The following RIT2 variants were observed in gnomAD, a reference collection of about 807,000 sequenced individuals.
RIT2 encodes Ras like without CAAX 2.
RIT2 carries 24 observed loss-of-function variants against 23.7 expected under a neutral mutation model. The ratio of observed to expected loss-of-function variants is 1.01; its 90% CI spans 0.73 to 1.43. RIT2 has a LOEUF of 1.43. Among genes scored for constraint, RIT2 ranks in the 40% most tolerant of loss-of-function variants. The pLI, the probability that RIT2 is intolerant of heterozygous loss-of-function variation, is 0.00. For synonymous variants in RIT2, 107 were observed against 91.1 expected (o/e 1.17, Z -0.99); for missense variants, 236 against 266.9 (o/e 0.88, Z 0.81).
At chr18:43,104,963 A>G (rs1315425980) in intron 1 of RIT2, among the ~76,000 whole-genome samples, 1 of 152,162 alleles carries the variant, frequency 6.6e-6, no homozygotes, top group Non-Finnish European at 1.5e-5. Flanking sequence ...AACAATACAC[A>G]AATTGGAAAA....
At chr18:42,837,422 C>T (rs1906646246) in intron 4 of RIT2, among the ~76,000 whole-genome samples, 1 of 151,640 alleles carries the variant, frequency 6.6e-6, no homozygotes, top group Admixed American at 6.6e-5. Context: ...CCGACTTGGC[C>T]TCCCAAAGTG....
intron 2 of RIT2, among the ~76,000 whole-genome samples, chr18:43,012,869 T>A (rs182632327): frequency 6.6e-6 from 1 of 151,788 alleles, no homozygotes; most frequent in East Asian, 1.9e-4. Flanking sequence ...AACAGAAAAT[T>A]TGGGGGAAAA....
At chr18:42,916,154 T>C (rs1908904260) in intron 4 of RIT2, among the ~76,000 whole-genome samples, 1 of 152,110 alleles carries the variant, frequency 6.6e-6, no homozygotes, top group Non-Finnish European at 1.5e-5. Context: ...ACAGAGTTTC[T>C]GATTTACCAG....
chr18:42,789,241 T>C (rs1913988808), intron 4 of RIT2, among the ~76,000 whole-genome samples: 1 of 152,294 alleles, frequency 6.6e-6, no homozygotes, highest in African/African-American at 2.4e-5. Flanking sequence ...ATGCTCTTAG[T>C]TGTATTATAA....
intron 3 of RIT2, among the ~76,000 whole-genome samples, chr18:42,961,674 A>C (rs1445270372): frequency 1.3e-5 from 2 of 152,204 alleles, no homozygotes; most frequent in African/African-American, 2.4e-5. Context: ...TTGACTTCAT[A>C]GTTAAATTTT....
chr18:43,097,789 T>C (rs1010707472), intron 1 of RIT2, among the ~76,000 whole-genome samples: 1 of 151,938 alleles, frequency 6.6e-6, no homozygotes, highest in African/African-American at 2.4e-5. Context: ...TCTCCAAGGG[T>C]AGTTTTCCAG....
At chr18:42,893,237 A>T (rs902199711) in intron 4 of RIT2, among the ~76,000 whole-genome samples, 9 of 152,102 alleles carry the variant, frequency 5.9e-5, no homozygotes, top group African/African-American at 2.2e-4. Flanking sequence ...AAAAAAAAAA[A>T]AAAAAAAGCT....
chr18:42,900,622 G>A (rs1158282678), intron 4 of RIT2, among the ~76,000 whole-genome samples: 1 of 151,732 alleles, frequency 6.6e-6, no homozygotes, highest in African/African-American at 2.4e-5. Context: ...TTCTAATACA[G>A]GCTTCCTTAA....
intron 1 of RIT2, among the ~76,000 whole-genome samples, chr18:43,061,633 C>T (rs1396416437): frequency 6.6e-6 from 1 of 152,054 alleles, no homozygotes; most frequent in African/African-American, 2.4e-5. Context: ...CTGAATGATG[C>T]CTTTTAACCA....
At chr18:43,091,530 C>G (rs1443171044) in intron 1 of RIT2, among the ~76,000 whole-genome samples, 1 of 152,014 alleles carries the variant, frequency 6.6e-6, no homozygotes, top group East Asian at 1.9e-4. Context: ...ATAAATATGG[C>G]CATAAGCAGC....
intron 1 of RIT2, among the ~76,000 whole-genome samples, chr18:43,113,544 T>C (rs1914000386): frequency 6.6e-6 from 1 of 152,158 alleles, no homozygotes; most frequent in African/African-American, 2.4e-5. Context: ...CCATAGTCAT[T>C]GGAACAGTAA....
chr18:42,890,275 TA>T (rs955745582), intron 4 of RIT2, among the ~76,000 whole-genome samples: 11 of 151,476 alleles, frequency 7.3e-5, no homozygotes, highest in East Asian at 1.9e-4. Context: ...CATCCTATTA[TA>T]AAAAAAAATT....
chr18:43,106,409 C>G (rs1913823816), intron 1 of RIT2, among the ~76,000 whole-genome samples: 1 of 152,314 alleles, frequency 6.6e-6, no homozygotes. Flanking sequence ...TTCACATATA[C>G]AAGAAATCTT....
At chr18:42,825,540 CTAAG>C (rs1448270619) in intron 4 of RIT2, among the ~76,000 whole-genome samples, 2 of 151,650 alleles carry the variant, frequency 1.3e-5, no homozygotes, top group Non-Finnish European at 3.0e-5. Flanking sequence ...AATTTGTAGA[CTAAG>C]TATTTTACAC....
At chr18:43,081,580 G>A (rs191608586) in intron 1 of RIT2, among the ~76,000 whole-genome samples, 89 of 152,178 alleles carry the variant, frequency 5.8e-4, no homozygotes, top group African/African-American at 2.1e-3. Flanking sequence ...AAATATGCAT[G>A]CCTCATCCTT....
intron 4 of RIT2, among the ~76,000 whole-genome samples, chr18:42,852,783 CCCTCCCTCCCTCTCTT>C (rs1345777300): frequency 1.2e-3 from 127 of 109,612 alleles, no homozygotes; most frequent in South Asian, 1.6e-3. Flanking sequence ...CTCCCTCTCT[CCCTCCCTCCCTCTCTT>C]CCTCCCTCCC....
intron 2 of RIT2, among the ~76,000 whole-genome samples, chr18:43,000,999 C>T (rs556631403): frequency 1.3e-5 from 2 of 152,192 alleles, no homozygotes; most frequent in Non-Finnish European, 2.9e-5. Context: ...TTATTTAAAA[C>T]AATATTATCT....
At chr18:42,867,879 C>A (rs1907515593) in intron 4 of RIT2, among the ~76,000 whole-genome samples, 1 of 152,190 alleles carries the variant, frequency 6.6e-6, no homozygotes, top group Non-Finnish European at 1.5e-5. Context: ...AGCTCTTAAA[C>A]CTCTGGAATC....
intron 1 of RIT2, among the ~76,000 whole-genome samples, chr18:43,036,323 T>C (rs149665341): frequency 0.011 from 1,610 of 152,258 alleles, 30 homozygotes; most frequent in African/African-American, 0.037. Flanking sequence ...GTGGATCACC[T>C]GAGGTCAGGA....
Sources: allele counts gnomAD v4.1 joint callset (sites outside exome capture counted in the v4.1 genomes callset), GRCh38; gene constraint gnomAD v4.1.1; transcripts MANE v1.5; gene names NCBI Gene and HGNC (gene_info 2026-07-23, HGNC 2026-07-21).